ZFAT: variants seen among roughly 807,000 people sequenced by gnomAD.
ZFAT encodes the protein zinc finger and AT-hook domain containing.
A neutral mutation model predicts 117.7 loss-of-function variants in ZFAT; 64 were observed. The ratio of observed to expected loss-of-function variants is 0.54; its 90% CI spans 0.44 to 0.67. The LOEUF is 0.67. Ranked by LOEUF, ZFAT falls within the 30% of genes least tolerant of loss-of-function variation. The pLI is 0.00. For synonymous variants in ZFAT, 679 were observed against 615.0 expected, an observed-to-expected ratio of 1.10 and a Z score of -1.54; for missense variants, 1,433 against 1,584.5, an observed-to-expected ratio of 0.90 and a Z score of 1.62.
chr8:134,761,219 T>C, the ZFAT span, among the ~76,000 whole-genome samples: 27 of 152,096 alleles, frequency 1.8e-4, no homozygotes, highest in Non-Finnish European at 2.8e-4. Flanking sequence ...GAGCACTGCA[T>C]GAGGCACTGA....
the ZFAT span, among the ~76,000 whole-genome samples, chr8:134,739,729 T>G: frequency 6.6e-6 from 1 of 152,194 alleles, no homozygotes. Flanking sequence ...GTGATGGGCA[T>G]GGAACAGAAA....
intron 10 of ZFAT, among the ~76,000 whole-genome samples, chr8:134,583,527 C>A (rs369746850): frequency 6.6e-6 from 1 of 152,172 alleles, no homozygotes; most frequent in Admixed American, 6.5e-5. Flanking sequence ...AGGATGGAAA[C>A]TTCGGAACCA....
chr8:134,613,480 C>T (rs1471675088), intron 3 of ZFAT, among the ~76,000 whole-genome samples: 1 of 152,192 alleles, frequency 6.6e-6, no homozygotes, highest in African/African-American at 2.4e-5. Context: ...CCTGAGCTGG[C>T]GTTGGTGGAG....
upstream of ZFAT, among the ~76,000 whole-genome samples, chr8:134,715,304 A>G (rs1419261908): frequency 6.6e-6 from 1 of 152,230 alleles, no homozygotes. Flanking sequence ...GTTCTGGGTT[A>G]ATTATTTGGA....
intron 2 of ZFAT, among the ~76,000 whole-genome samples, chr8:134,646,282 T>G (rs1375229026): frequency 6.6e-6 from 1 of 152,058 alleles, no homozygotes; most frequent in East Asian, 1.9e-4. Flanking sequence ...TTTGGGAAAT[T>G]CAAAAATTTA....
intron 3 of ZFAT, among the ~76,000 whole-genome samples, chr8:134,615,514 C>A (rs367977185): frequency 1.9e-4 from 29 of 152,110 alleles, no homozygotes; most frequent in African/African-American, 6.0e-4. Context: ...AGAGTCAAAT[C>A]CCCACTACCT....
intron 11 of ZFAT, among the ~76,000 whole-genome samples, chr8:134,541,154 C>T (rs1284760671): frequency 6.6e-6 from 1 of 152,178 alleles, no homozygotes; most frequent in Non-Finnish European, 1.5e-5. Context: ...ATATTTTTCC[C>T]TCCAGAACTC....
rs150812793 is a variant in ZFAT at position 134,547,668 on chromosome 8, C to T, written c.2977-14696G>A. On this transcript the variant is annotated intron_variant, in intron 11 of 15. Transcript: ENST00000377838. ...GGAATCTCCACTGAGGCTTCTTGAA[C>T]ATAACAATAATGAAGTTAGGTTTGC... 6.9e-3 allele frequency among the ~76,000 whole-genome samples: 1,057 copies of T among 152,356 alleles called. 16 individuals are homozygous for T. The highest frequency in any genetic ancestry group is 0.023 in the African/African-American group (963 of 41,582).
At chr8:134,814,709 T>A in the ZFAT span, among the ~76,000 whole-genome samples, 1 of 152,254 alleles carries the variant, frequency 6.6e-6, no homozygotes, top group African/African-American at 2.4e-5. Flanking sequence ...CTTGCCTTTA[T>A]CATATGATGC....
chr8:134,609,412 C>T (rs1828150345), intron 4 of ZFAT, among the ~76,000 whole-genome samples: 1 of 152,068 alleles, frequency 6.6e-6, no homozygotes, highest in African/African-American at 2.4e-5. Context: ...CTCTTCTGGG[C>T]TTCTTATTTT....
At chr8:134,830,623 C>T in the ZFAT span, among the ~76,000 whole-genome samples, 1 of 152,226 alleles carries the variant, frequency 6.6e-6, no homozygotes, top group Non-Finnish European at 1.5e-5. Flanking sequence ...ACCAAAAATT[C>T]TCTCTGGCAT....
intron 10 of ZFAT, among the ~76,000 whole-genome samples, chr8:134,567,133 A>G (rs980347543): frequency 1.3e-5 from 2 of 152,178 alleles, no homozygotes; most frequent in Non-Finnish European, 2.9e-5. Context: ...TGCCTGCTAG[A>G]CCAGCCACTT....
intron 11 of ZFAT, among the ~76,000 whole-genome samples, chr8:134,543,065 C>T (rs1216611109): frequency 6.6e-6 from 1 of 151,258 alleles, no homozygotes; most frequent in African/African-American, 2.4e-5. Flanking sequence ...ATGTACAAAT[C>T]CCCAGATGAC....
At chr8:134,524,285 C>T (rs540524167) in intron 12 of ZFAT, among the ~76,000 whole-genome samples, 1 of 152,278 alleles carries the variant, frequency 6.6e-6, no homozygotes, top group South Asian at 2.1e-4. Context: ...GTCTCCACTT[C>T]CAAGAACTCA....
the ZFAT span, among the ~76,000 whole-genome samples, chr8:134,807,485 C>T: frequency 7.4e-4 from 112 of 152,196 alleles, no homozygotes; most frequent in African/African-American, 2.7e-3. Context: ...GCCTAGATTT[C>T]GCATCCCTTA....
intron 1 of ZFAT, among the ~76,000 whole-genome samples, chr8:134,709,914 G>A (rs548354475): frequency 6.6e-6 from 1 of 152,264 alleles, no homozygotes; most frequent in South Asian, 2.1e-4. Flanking sequence ...GCTGTGCCCT[G>A]TAGACCACAT....
chr8:134,790,050 T>C, the ZFAT span, among the ~76,000 whole-genome samples: 1 of 152,222 alleles, frequency 6.6e-6, no homozygotes, highest in Non-Finnish European at 1.5e-5. Context: ...CAACATACAA[T>C]GTCTTAATTT....
chr8:134,642,176 G>C (rs940578402), intron 2 of ZFAT, among the ~76,000 whole-genome samples: 11 of 152,314 alleles, frequency 7.2e-5, no homozygotes, highest in African/African-American at 2.6e-4. Flanking sequence ...TGCTGAGCAC[G>C]CAGAACTGGA....
chr8:134,737,163 C>T, the ZFAT span, among the ~76,000 whole-genome samples: 3 of 152,060 alleles, frequency 2.0e-5, no homozygotes, highest in East Asian at 5.8e-4. Context: ...GATTGTAATC[C>T]CAGCTACCCA....
Sources: allele counts gnomAD v4.1 joint callset (sites outside exome capture counted in the v4.1 genomes callset), GRCh38; gene constraint gnomAD v4.1.1; transcripts MANE v1.5; gene names NCBI Gene and HGNC (gene_info 2026-07-23, HGNC 2026-07-21).